ADARB2: variants seen among roughly 807,000 people sequenced by gnomAD.
The protein encoded by ADARB2 is adenosine deaminase RNA specific B2 (inactive).
Under a neutral mutation model 62.2 loss-of-function variants are expected in ADARB2, and 25 were observed. The observed-to-expected ratio is 0.40, with a 90% confidence interval of 0.29 to 0.56. The LOEUF (loss-of-function observed/expected upper bound fraction) is 0.56. ADARB2 is among the 20% of genes least tolerant of loss of function. The probability of loss-of-function intolerance (pLI) is 0.43; values close to 1 mark genes in which losing one functional copy is unlikely to be tolerated. For missense variants in ADARB2, 1,071 were observed against 1,077.4 expected (o/e 0.99, Z 0.08); for synonymous variants, 572 against 500.8 (o/e 1.14, Z -1.90).
At chr10:1,500,956 C>A (rs917848219) in intron 1 of ADARB2, among the ~76,000 whole-genome samples, 5 of 152,194 alleles carry the variant, frequency 3.3e-5, no homozygotes, top group African/African-American at 1.2e-4. Context: ...CTCACTGCAA[C>A]CTCCATCTCC....
intron 1 of ADARB2, among the ~76,000 whole-genome samples, chr10:1,616,382 C>G (rs551794581): frequency 1.3e-5 from 2 of 152,208 alleles, no homozygotes; most frequent in Admixed American, 1.3e-4. Context: ...CAGACACACT[C>G]TACCCTGAGC....
rs1832631045 is a variant in ADARB2, at chr10:1,398,097, C to G, written c.101-18937G>C. 6.9e-6 allele frequency among the ~76,000 whole-genome samples: 1 copy of G among 145,940 alleles called. No homozygotes were observed. The highest frequency in any genetic ancestry group is 1.5e-5 in the Non-Finnish European group (1 of 66,186). On this transcript the variant is annotated intron_variant, in intron 1 of 9. Transcript: ENST00000381312. This position sits in a 1 kb window ranked among gnomAD's most constrained non-coding sequence, Gnocchi z 4.1. Reference sequence around the variant, plus strand: ...TCCTGGGTCACCGCCCTCCTCTCCCCTCCCGAGTGCAGGCTTCCTGGGTCA... The same window carrying G: ...TCCTGGGTCACCGCCCTCCTCTCCCGTCCCGAGTGCAGGCTTCCTGGGTCA...
intron 3 of ADARB2, among the ~76,000 whole-genome samples, chr10:1,295,376 G>A (rs1302823270): frequency 2.0e-5 from 3 of 152,204 alleles, no homozygotes; most frequent in Non-Finnish European, 2.9e-5. Flanking sequence ...TCCCAGGCAT[G>A]TGTTGAAGTG....
At chr10:1,516,519 C>G (rs1358584475) in intron 1 of ADARB2, among the ~76,000 whole-genome samples, 2 of 151,278 alleles carry the variant, frequency 1.3e-5, no homozygotes, top group South Asian at 4.2e-4. Context: ...GCGGGCTGCT[C>G]TGTGCTGTGT....
At chr10:1,340,730 A>G (rs528724847) in intron 3 of ADARB2, among the ~76,000 whole-genome samples, 25 of 136,574 alleles carry the variant, frequency 1.8e-4, no homozygotes, top group East Asian at 4.7e-4. Flanking sequence ...CCACAGCGGC[A>G]ATAACCAGCA....
At chr10:1,708,525 CA>C (rs1834917752) in intron 1 of ADARB2, among the ~76,000 whole-genome samples, 2 of 152,178 alleles carry the variant, frequency 1.3e-5, no homozygotes, top group Admixed American at 1.3e-4. Context: ...CAACAAGACA[CA>C]AGGCCCTTTA....
At chr10:1,218,583 G>C (rs962084995) in intron 6 of ADARB2, among the ~76,000 whole-genome samples, 1 of 152,114 alleles carries the variant, frequency 6.6e-6, no homozygotes, top group Non-Finnish European at 1.5e-5. Context: ...GCTGGGATCC[G>C]TGTCCCCACT....
chr10:1,385,665 CTT>C (rs901328282), intron 1 of ADARB2, among the ~76,000 whole-genome samples: 1 of 152,000 alleles, frequency 6.6e-6, no homozygotes, highest in African/African-American at 2.4e-5. Context: ...AGCAGTCTAA[CTT>C]ATGTATAATT....
At chr10:1,495,957 T>A (rs56151561) in intron 1 of ADARB2, among the ~76,000 whole-genome samples, 54,596 of 151,550 alleles carry the variant, frequency 0.36, 10,291 homozygotes, top group Non-Finnish European at 0.42. Context: ...ATTATTGTGA[T>A]CATCACCATC....
At chr10:1,537,204 A>G (rs1464653917) in intron 1 of ADARB2, among the ~76,000 whole-genome samples, 1 of 152,260 alleles carries the variant, frequency 6.6e-6, no homozygotes, top group African/African-American at 2.4e-5. Context: ...CAACAAACAT[A>G]TGAAAAAAGC....
At chr10:1,493,438 T>A (rs977753330) in intron 1 of ADARB2, among the ~76,000 whole-genome samples, 5 of 152,200 alleles carry the variant, frequency 3.3e-5, no homozygotes, top group African/African-American at 7.2e-5. Context: ...AATGAATACA[T>A]AAAGATTCAG....
chr10:1,651,668 G>A (rs1425733424), intron 1 of ADARB2, among the ~76,000 whole-genome samples: 1 of 152,172 alleles, frequency 6.6e-6, no homozygotes, highest in Non-Finnish European at 1.5e-5. Context: ...CAAGCAAGGG[G>A]CACATTTCGT....
intron 6 of ADARB2, among the ~76,000 whole-genome samples, chr10:1,226,154 T>C (rs1830743427): frequency 6.6e-6 from 1 of 152,240 alleles, no homozygotes; most frequent in South Asian, 2.1e-4. Context: ...ATTCATTTCA[T>C]TCATTTGATC....
At chr10:1,542,028 C>G (rs1832438212) in intron 1 of ADARB2, among the ~76,000 whole-genome samples, 1 of 54,108 alleles carries the variant, frequency 1.8e-5, no homozygotes, top group South Asian at 5.9e-4. Context: ...AGACCCCACT[C>G]AGACTCAGTT....
chr10:1,583,285 A>G (rs1281792930), intron 1 of ADARB2, among the ~76,000 whole-genome samples: 1 of 152,230 alleles, frequency 6.6e-6, no homozygotes, highest in Non-Finnish European at 1.5e-5. Context: ...CAGTTGTAGA[A>G]TTGTATATAC....
intron 1 of ADARB2, among the ~76,000 whole-genome samples, chr10:1,511,471 T>C (rs1053821561): frequency 1.3e-5 from 2 of 151,800 alleles, no homozygotes; most frequent in South Asian, 2.1e-4. Flanking sequence ...AAAAGCAAAG[T>C]CAACGAGGTA....
At position 1,426,404 on chromosome 10, in the gene ADARB2, T is replaced by G. The variant is rs1832893594; in HGVS notation, c.101-47244A>C. On this transcript the variant is annotated intron_variant, in intron 1 of 9. Coordinates refer to ENST00000381312, the MANE Select transcript of ADARB2 (RefSeq NM_018702.4). This position sits in a 1 kb window ranked among gnomAD's most constrained non-coding sequence, Gnocchi z 4.1. ...TTTTCTCTTTAAATTTCATGTTCCC[T>G]TGTCATTGTTGCTGTAAAACCGAAG... Among the ~76,000 whole-genome samples the G allele has an allele frequency of 6.6e-6, 1 of 152,132 alleles. No individual in the cohort carries two copies. Among genetic ancestry groups the G allele is most frequent in the Admixed American group, 6.5e-5 (1 of 15,284 alleles).
intron 1 of ADARB2, among the ~76,000 whole-genome samples, chr10:1,561,653 G>T (rs76905917): frequency 2.0e-5 from 3 of 152,038 alleles, no homozygotes; most frequent in Non-Finnish European, 4.4e-5. Flanking sequence ...CCCCCATGCA[G>T]CTGCTGGGCC....
intron 1 of ADARB2, among the ~76,000 whole-genome samples, chr10:1,720,559 G>A (rs1289545652): frequency 1.3e-5 from 2 of 152,176 alleles, no homozygotes; most frequent in African/African-American, 4.8e-5. Flanking sequence ...GAAAAAAATA[G>A]GTTAACTTGT....
Sources: gnomAD v4.1 joint callset for allele counts (sites outside exome capture counted in the v4.1 genomes callset) on GRCh38, gnomAD v4.1.1 for gene constraint, Gnocchi (gnomAD v3.1) non-coding constraint, MANE v1.5 for transcripts, NCBI Gene and HGNC (gene_info 2026-07-23, HGNC 2026-07-21) for gene names.